Variants in ENAH observed in about 807,000 individuals in gnomAD.
The protein encoded by ENAH is protein enabled homolog.
In ENAH, 23 loss-of-function variants were observed where a neutral mutation model predicts 78.7. The observed-to-expected ratio is 0.29, with a 90% CI of 0.21 to 0.41. The LOEUF is 0.41. Ranked by LOEUF, ENAH falls within the 10% of genes least tolerant of loss-of-function variation. ENAH has a pLI of 1.00. For missense variants in ENAH, 544 were observed against 691.0 expected (o/e 0.79, Z 2.39); for synonymous variants, 226 against 241.0 (o/e 0.94, Z 0.58).
At chr1:225,498,709 C>T (rs558038787) in intron 12 of ENAH, among the ~76,000 whole-genome samples, 5 of 152,186 alleles carry the variant, frequency 3.3e-5, no homozygotes, top group Admixed American at 2.6e-4. Flanking sequence ...AACAGCTGTG[C>T]TTTTAATCTA....
At chr1:225,574,309 T>C (rs2096777080) in intron 1 of ENAH, among the ~76,000 whole-genome samples, 2 of 152,132 alleles carry the variant, frequency 1.3e-5, no homozygotes, top group South Asian at 4.1e-4. Context: ...CTCAGTTATA[T>C]AAGATTGTGG....
chr1:225,550,286 C>G (rs949680690), intron 3 of ENAH, among the ~76,000 whole-genome samples: 2 of 152,186 alleles, frequency 1.3e-5, no homozygotes, highest in African/African-American at 4.8e-5. Context: ...GAAGGCCTTT[C>G]TTCACACTAC....
intron 4 of ENAH, 43 bp downstream of exon 4, chr1:225,530,511 T>A: frequency 6.7e-7 from 1 of 1,496,252 alleles, no homozygotes; most frequent in South Asian, 1.1e-5. Flanking sequence ...TTTTGTCTTC[T>A]GAAGCATAAA....
At chr1:225,628,546 CA>C (rs569470596) in intron 1 of ENAH, among the ~76,000 whole-genome samples, 2 of 151,920 alleles carry the variant, frequency 1.3e-5, no homozygotes, top group Non-Finnish European at 2.9e-5. Flanking sequence ...ATGAACAAGG[CA>C]AAAAATGTAT....
At chr1:225,622,342 C>A (rs1166026399) in intron 1 of ENAH, among the ~76,000 whole-genome samples, 1 of 152,114 alleles carries the variant, frequency 6.6e-6, no homozygotes, top group Non-Finnish European at 1.5e-5. Context: ...TAATCCAGCA[C>A]TTTGGGAGGC....
At chr1:225,530,664 T>C (rs1190858156) in intron 3 of ENAH, 26 bp from the exon 4 acceptor site, 12 of 1,528,284 alleles carry the variant, frequency 7.9e-6, no homozygotes, top group Middle Eastern at 1.7e-4. Flanking sequence ...ACATTACAGA[T>C]GAACATTATT....
intron 1 of ENAH, among the ~76,000 whole-genome samples, chr1:225,614,906 C>T (rs570748234): frequency 2.0e-5 from 3 of 152,210 alleles, no homozygotes; most frequent in African/African-American, 7.2e-5. Flanking sequence ...TCCTCCAACA[C>T]CAATCCTACC....
intron 3 of ENAH, among the ~76,000 whole-genome samples, chr1:225,533,493 C>T (rs2096547630): frequency 6.6e-6 from 1 of 152,096 alleles, no homozygotes; most frequent in Admixed American, 6.6e-5. Flanking sequence ...GAGGGAAGAA[C>T]AACCAAGGTT....
At chr1:225,604,378 A>G (rs1378047464) in intron 1 of ENAH, among the ~76,000 whole-genome samples, 1 of 152,148 alleles carries the variant, frequency 6.6e-6, no homozygotes, top group African/African-American at 2.4e-5. Flanking sequence ...ATGAGGGCTT[A>G]ATATAAATGG....
intron 1 of ENAH, among the ~76,000 whole-genome samples, chr1:225,613,746 A>G (rs944889932): frequency 6.6e-6 from 1 of 152,212 alleles, no homozygotes; most frequent in African/African-American, 2.4e-5. Flanking sequence ...AGATGGGGAA[A>G]AAAACAGTGT....
intron 10 of ENAH, among the ~76,000 whole-genome samples, chr1:225,509,315 G>A (rs1028339054): frequency 6.6e-6 from 1 of 152,180 alleles, no homozygotes; most frequent in Admixed American, 6.5e-5. Context: ...CTAAAGAGGC[G>A]GCGGGTGGAA....
At chr1:225,633,114 C>G (rs1405774893) in intron 1 of ENAH, among the ~76,000 whole-genome samples, 1 of 151,542 alleles carries the variant, frequency 6.6e-6, no homozygotes, top group Non-Finnish European at 1.5e-5. Context: ...GCAATCTCGG[C>G]TCACTGTAAG....
chr1:225,588,035 C>G (rs1452751480), intron 1 of ENAH, among the ~76,000 whole-genome samples: 1 of 152,008 alleles, frequency 6.6e-6, no homozygotes, highest in Non-Finnish European at 1.5e-5. Flanking sequence ...AGAAGGAAAC[C>G]TAGGAGAAAA....
At chr1:225,609,457 T>C (rs2096975843) in intron 1 of ENAH, among the ~76,000 whole-genome samples, 1 of 152,074 alleles carries the variant, frequency 6.6e-6, no homozygotes, top group Admixed American at 6.6e-5. Flanking sequence ...ATGGAAAGTA[T>C]GCATCGTGGG....
intron 3 of ENAH, among the ~76,000 whole-genome samples, chr1:225,545,864 T>C (rs1054164384): frequency 6.6e-6 from 1 of 150,752 alleles, no homozygotes; most frequent in African/African-American, 2.4e-5. Context: ...AGCAAGTACA[T>C]AGTAATTTAG....
At chr1:225,601,504 T>C (rs1032497091) in intron 1 of ENAH, among the ~76,000 whole-genome samples, 6 of 146,448 alleles carry the variant, frequency 4.1e-5, no homozygotes, top group Non-Finnish European at 9.0e-5. Context: ...GGTGACAGAG[T>C]GAGACTCCAT....
intron 2 of ENAH, among the ~76,000 whole-genome samples, chr1:225,558,013 C>A (rs1465050226): frequency 6.6e-6 from 1 of 152,134 alleles, no homozygotes; most frequent in Non-Finnish European, 1.5e-5. Flanking sequence ...GTAAGTTACA[C>A]TGATGATTTT....
At chr1:225,570,245 C>T (rs1410513185) in intron 1 of ENAH, among the ~76,000 whole-genome samples, 1 of 152,008 alleles carries the variant, frequency 6.6e-6, no homozygotes, top group Non-Finnish European at 1.5e-5. Context: ...GATGGCACTG[C>T]CTGCTAGGGT....
At chr1:225,515,100 T>C in intron 6 of ENAH, 200 bp from the exon 7 acceptor site, 1 of 561,322 alleles carries the variant, frequency 1.8e-6, no homozygotes, top group Non-Finnish European at 3.1e-6. Flanking sequence ...ATATAACTAC[T>C]TACTTTAGGT....
Sources: gnomAD v4.1 joint callset for allele counts (sites outside exome capture counted in the v4.1 genomes callset) on GRCh38, gnomAD v4.1.1 for gene constraint, MANE v1.5 for transcripts, NCBI Gene and HGNC (gene_info 2026-07-23, HGNC 2026-07-21) for gene names.